The following ALOXE3 variants were observed in gnomAD, a reference collection of about 807,000 sequenced individuals.
The protein encoded by ALOXE3 is arachidonate epidermal lipoxygenase 3.
ALOXE3 carries 78 observed loss-of-function variants against 87.5 expected under a neutral mutation model. The observed-to-expected ratio is 0.89, with a 90% CI of 0.74 to 1.08. The LOEUF (loss-of-function observed/expected upper bound fraction) is 1.08. Ranked by LOEUF, ALOXE3 falls within the 50% of genes least tolerant of loss-of-function variation. ALOXE3 has a pLI of 0.00. For synonymous variants in ALOXE3, 363 were observed against 370.8 expected (o/e 0.98, Z 0.24); for missense variants, 946 against 912.4 (o/e 1.04, Z -0.47).
chr17:8,102,669 G>GA (rs1324805681), intron 15 of ALOXE3, among the ~76,000 whole-genome samples: 1 of 152,124 alleles, frequency 6.6e-6, no homozygotes, highest in East Asian at 1.9e-4. Flanking sequence ...AAAGAGCCCT[G>GA]CTCTTCCTCT....
intron 13 of ALOXE3, among the ~76,000 whole-genome samples, chr17:8,107,330 A>C (rs1269145188): frequency 6.6e-6 from 1 of 152,230 alleles, no homozygotes; most frequent in Non-Finnish European, 1.5e-5. Flanking sequence ...CAGCCTGTCC[A>C]ACATGGCAAA....
chr17:8,099,839 G>A (rs556540347), intron 15 of ALOXE3, among the ~76,000 whole-genome samples: 131 of 152,106 alleles, frequency 8.6e-4, no homozygotes, highest in African/African-American at 3.0e-3. Flanking sequence ...GGAGGCTAAG[G>A]CAGGAGGATC....
chr17:8,113,751 G>A (rs1370548269), intron 6 of ALOXE3, among the ~76,000 whole-genome samples: 4 of 150,780 alleles, frequency 2.7e-5, no homozygotes, highest in Admixed American at 2.6e-4. Flanking sequence ...TGTGGGCTGG[G>A]CGTGGTGGCT....
chr17:8,105,873 C>T (rs1416415277), intron 13 of ALOXE3, among the ~76,000 whole-genome samples: 1 of 143,822 alleles, frequency 7.0e-6, no homozygotes, highest in Non-Finnish European at 1.5e-5. Flanking sequence ...TGTGATCACA[C>T]CACTGCACTC....
Position 8,116,802 on chromosome 17 carries a change from C to T in ALOXE3, c.326G>A (p.Cys109Tyr). The T allele has an allele frequency of 1.2e-6, 2 of 1,614,234 alleles. No homozygotes were observed. The highest frequency in any genetic ancestry group is 1.7e-6 in the Non-Finnish European group (2 of 1,180,042). ...TGTTCCTGGCCTCAGCTCCACGGTG[C>T]AGTAGCCTTCAATCCACTGATAGCA... ...FPCYQWIEGY[C>Y]TVELRPGTAR... Residue 109 changes from cysteine (C) to tyrosine (Y), a missense_variant, in exon 3 of 16, where the codon TGC becomes TAC. By Grantham distance (194) the Cys-to-Tyr change is radical. Coordinates refer to ENST00000448843, the MANE Select transcript of ALOXE3 (RefSeq NM_021628.3).
intron 13 of ALOXE3, among the ~76,000 whole-genome samples, chr17:8,107,965 G>GGAAGGAAGGAAA (rs200841890): frequency 1.6e-4 from 1 of 6,258 alleles, no homozygotes; most frequent in East Asian, 9.7e-4. Flanking sequence ...AAGAAAGGAA[G>GGAAGGAAGGAAA]GAGAGAGAGA....
At chr17:8,106,604 T>TG (rs1979330969) in intron 13 of ALOXE3, among the ~76,000 whole-genome samples, 1 of 152,146 alleles carries the variant, frequency 6.6e-6, no homozygotes, top group Non-Finnish European at 1.5e-5. Flanking sequence ...ATATTGCCTA[T>TG]TTTTCCCCCA....
intron 15 of ALOXE3, among the ~76,000 whole-genome samples, chr17:8,100,022 T>C (rs533337702): frequency 2.6e-3 from 386 of 151,110 alleles, no homozygotes; most frequent in African/African-American, 9.1e-3. Flanking sequence ...GCCATGATCA[T>C]GTCACTGCAC....
chr17:8,104,635 T>C (rs1338191250), intron 13 of ALOXE3, among the ~76,000 whole-genome samples: 1 of 152,190 alleles, frequency 6.6e-6, no homozygotes, highest in Non-Finnish European at 1.5e-5. Flanking sequence ...GCAGAGGGCG[T>C]GTTACTGAAA....
Position 8,109,906 on chromosome 17 carries a change from G to A in ALOXE3, c.1392+10C>T. 1 of 1,548,734 alleles carries A rather than the reference G, an allele frequency of 6.5e-7. No individual in the cohort carries two copies. The highest frequency in any genetic ancestry group is 8.7e-7 in the Non-Finnish European group (1 of 1,145,924). ...GGGCGGAGATCAGTGACCCGGCAGG[G>A]AGGCCGCACCTGGTCCACGAGGCCC... On this transcript the variant is annotated intron_variant, in intron 11 of 15. Transcript: ENST00000448843.
At chr17:8,104,907 T>A (rs1426270591) in intron 13 of ALOXE3, among the ~76,000 whole-genome samples, 5 of 152,128 alleles carry the variant, frequency 3.3e-5, no homozygotes, top group African/African-American at 1.2e-4. Context: ...ACTCATCTCA[T>A]CCAAGTCCAT....
chr17:8,107,809 AC>A lies in ALOXE3; in HGVS notation c.1684+658del, dbSNP rs1482630576. Among the ~76,000 whole-genome samples the A allele has an allele frequency of 4.8e-3, 188 of 39,200 alleles. 27 individuals carry two copies. Among genetic ancestry groups the A allele is most frequent in the African/African-American group, 0.019 (156 of 8,310 alleles). 25.7% of individuals were successfully genotyped at this position (39,200 alleles called of 152,430 possible). ...GGGAGACTCCGTCTCAAAAAAAAAA[AC>A]AAGAAAGAAAGAAAGAAAGAAAGAA... On this transcript the variant is annotated intron_variant, in intron 13 of 15. Coordinates refer to ENST00000448843, the MANE Select transcript of ALOXE3 (RefSeq NM_021628.3).
intron 12 of ALOXE3, among the ~76,000 whole-genome samples, chr17:8,108,936 C>T (rs1979751493): frequency 6.6e-6 from 1 of 152,176 alleles, no homozygotes; most frequent in Admixed American, 6.5e-5. Context: ...AGCCCTGATA[C>T]TCTGACTCCA....
intron 13 of ALOXE3, among the ~76,000 whole-genome samples, chr17:8,106,539 A>G (rs1979324910): frequency 6.6e-6 from 1 of 152,164 alleles, no homozygotes; most frequent in African/African-American, 2.4e-5. Flanking sequence ...GAGCAAAAAC[A>G]AAAAATAAAA....
chr17:8,115,574 A>G, intron 4 of ALOXE3, 33 bp downstream of exon 4: 1 of 1,570,450 alleles, frequency 6.4e-7, no homozygotes, highest in Non-Finnish European at 8.8e-7. Context: ...CAGGATAAAG[A>G]TGGGGAAAGA....
intron 6 of ALOXE3, among the ~76,000 whole-genome samples, 169 bp from the exon 7 acceptor site, chr17:8,112,365 C>T (rs1008014369): frequency 1.3e-5 from 2 of 152,094 alleles, no homozygotes; most frequent in African/African-American, 4.8e-5. Context: ...TCTGTGGCCT[C>T]GGAAGACCCT....
chr17:8,115,707 A>G lies in ALOXE3; in HGVS notation c.353-19T>C. On this transcript the variant is annotated intron_variant, in intron 3 of 15. Coordinates refer to ENST00000448843, the MANE Select transcript of ALOXE3 (RefSeq NM_021628.3). Reference sequence around the variant, plus strand: ...GTTCTTGCTGTGGGGAATGAAAATTACTCTTGGTATAAGTCTCTTTTCCAA... The same window carrying G: ...GTTCTTGCTGTGGGGAATGAAAATTGCTCTTGGTATAAGTCTCTTTTCCAA... 6.2e-7 allele frequency: 1 copy of G among 1,603,862 alleles called. No individual in the cohort carries two copies. Among genetic ancestry groups the G allele is most frequent in the South Asian group, 1.1e-5 (1 of 90,858 alleles).
At chr17:8,099,096 G>A (rs113138368) in intron 15 of ALOXE3, among the ~76,000 whole-genome samples, 394 of 149,450 alleles carry the variant, frequency 2.6e-3, no homozygotes, top group African/African-American at 9.4e-3. Context: ...GGGCCCAAGC[G>A]GTCCTCTTGC....
Position 8,118,509 on chromosome 17 carries a change from C to G in ALOXE3, c.-337G>C. 2 of 1,538,994 alleles carry G rather than the reference C, an allele frequency of 1.3e-6. No individual in the cohort carries two copies. Among genetic ancestry groups the G allele is most frequent in the African/African-American group, 2.7e-5 (2 of 73,118 alleles). On this transcript the variant is annotated 5_prime_UTR_variant, in exon 1 of 16. Coordinates refer to ENST00000448843, the MANE Select transcript of ALOXE3 (RefSeq NM_021628.3). ...ACCTGCATTCCTACGTGTGAATCAT[C>G]CGTGTGAATCACTAAACAGTGGAGA... is the stretch of plus-strand genomic sequence containing the variant.
Sources: gnomAD v4.1 joint callset for allele counts (sites outside exome capture counted in the v4.1 genomes callset) on GRCh38, gnomAD v4.1.1 for gene constraint, MANE v1.5 for transcripts, NCBI Gene and HGNC (gene_info 2026-07-23, HGNC 2026-07-21) for gene names.